Variants in ZNRF3 observed in about 807,000 individuals in gnomAD.
ZNRF3 encodes the protein zinc and ring finger 3.
Under a neutral mutation model 72.5 loss-of-function variants are expected in ZNRF3, and 23 were observed. The ratio of observed to expected loss-of-function variants is 0.32; its 90% confidence interval spans 0.23 to 0.45. The LOEUF (loss-of-function observed/expected upper bound fraction) is 0.45, where lower values mean the gene tolerates loss of function less well. Ranked by LOEUF, ZNRF3 falls within the 20% of genes least tolerant of loss-of-function variation. ZNRF3 has a pLI of 1.00. For synonymous variants in ZNRF3, 610 were observed against 545.3 expected (o/e 1.12, Z -1.65); for missense variants, 1,169 against 1,272.1 (o/e 0.92, Z 1.23).
At chr22:28,910,348 C>T (rs1430007582) in intron 1 of ZNRF3, among the ~76,000 whole-genome samples, 1 of 152,162 alleles carries the variant, frequency 6.6e-6, no homozygotes, top group Admixed American at 6.5e-5. Flanking sequence ...GCCTCTCCAT[C>T]AGACTTTGGA....
intron 2 of ZNRF3, among the ~76,000 whole-genome samples, chr22:29,003,630 A>G (rs964206327): frequency 6.6e-6 from 1 of 152,096 alleles, no homozygotes; most frequent in Non-Finnish European, 1.5e-5. Flanking sequence ...GCTTGAGCTC[A>G]AGAGTTGGAG....
rs1371579139 is a variant in ZNRF3 at position 29,049,651 on chromosome 22, C to T, written c.1470C>T (p.Leu490=). The part of the protein sequence containing the change: ...PEQEGQSPPS[L]APRGPARAFP... ...AGGAGGGGCAGTCCCCACCTAGCCT[C>T]GCACCCCGGGGCCCGGCCCGTGCCT... Residue 490 remains leucine (L), a synonymous_variant, in exon 8 of 9, where the codon CTC becomes CTT. Transcript: ENST00000544604. This position sits in a 1 kb window ranked among gnomAD's most constrained non-coding sequence, Gnocchi z 5.2. 5 of 1,610,116 alleles carry T rather than the reference C, an allele frequency of 3.1e-6. No individual in the cohort carries two copies. The highest frequency in any genetic ancestry group is 3.4e-6 in the Non-Finnish European group (4 of 1,179,522).
intron 5 of ZNRF3, among the ~76,000 whole-genome samples, chr22:29,045,498 T>A (rs2037051460): frequency 6.6e-6 from 1 of 152,162 alleles, no homozygotes; most frequent in East Asian, 1.9e-4. Flanking sequence ...TTTATTTTTT[T>A]ATTTCTTTGA....
chr22:29,000,769 G>T (rs567885068), intron 2 of ZNRF3, among the ~76,000 whole-genome samples: 1 of 152,254 alleles, frequency 6.6e-6, no homozygotes, highest in South Asian at 2.1e-4. Flanking sequence ...ACCACAGAAG[G>T]CAAAGGGGGA....
At chr22:28,990,367 G>A (rs561776893) in intron 2 of ZNRF3, among the ~76,000 whole-genome samples, 184 of 152,276 alleles carry the variant, frequency 1.2e-3, no homozygotes, top group Non-Finnish European at 2.0e-3. Flanking sequence ...GAATAAAATT[G>A]ACATTTCTTA....
At chr22:28,970,807 A>G (rs1030530419) in intron 1 of ZNRF3, among the ~76,000 whole-genome samples, 1 of 152,222 alleles carries the variant, frequency 6.6e-6, no homozygotes, top group South Asian at 2.1e-4. Context: ...TCCAGAAAAT[A>G]TAAACCAACT....
Position 28,988,388 on chromosome 22 carries a change from C to T in ZNRF3, c.426+1187C>T, listed in dbSNP as rs558548683. On this transcript the variant is annotated intron_variant, in intron 2 of 8. Coordinates refer to ENST00000544604, the MANE Select transcript of ZNRF3 (RefSeq NM_001206998.2). ...AAGACTTTCCAGACTTAAAGTAGCC[C>T]CTGCCAGTGTCTCCTGAAAGACCTT... 9.9e-5 allele frequency among the ~76,000 whole-genome samples: 15 copies of T among 152,210 alleles called. No individual in the cohort carries two copies. The South Asian group carries it at 3.1e-3, about 32-fold the overall frequency.
intron 1 of ZNRF3, among the ~76,000 whole-genome samples, chr22:28,953,094 A>C (rs893865361): frequency 6.6e-6 from 1 of 152,232 alleles, no homozygotes; most frequent in Non-Finnish European, 1.5e-5. Context: ...AGCATGTTGC[A>C]TAACTGCAGG....
intron 2 of ZNRF3, chr22:28,992,818 T>C (rs1435034130): frequency 1.3e-5 from 2 of 152,140 alleles, no homozygotes; most frequent in Non-Finnish European, 2.9e-5. Context: ...GTGTACTACA[T>C]AGAATCAAAT....
chr22:28,954,131 G>A (rs779843262), intron 1 of ZNRF3, among the ~76,000 whole-genome samples: 13 of 152,082 alleles, frequency 8.5e-5, no homozygotes, highest in African/African-American at 2.4e-4. Flanking sequence ...CCATATCTGC[G>A]TGCCAGCTGT....
rs138261631 is a variant in ZNRF3 at position 28,913,572 on chromosome 22, C to T, written c.300+29506C>T. ...CACCACCTAGAATGAATGGCCTGAA[C>T]ACCTTTGAACTGTGGTAGGACTATT... On this transcript the variant is annotated intron_variant, in intron 1 of 8. Transcript: ENST00000544604. 5.3e-3 allele frequency among the ~76,000 whole-genome samples: 804 copies of T among 152,274 alleles called. 9 individuals carry two copies. The highest frequency in any genetic ancestry group is 0.018 in the African/African-American group (766 of 41,544).
intron 1 of ZNRF3, among the ~76,000 whole-genome samples, chr22:28,971,513 C>T (rs559555208): frequency 1.2e-4 from 19 of 152,170 alleles, no homozygotes; most frequent in South Asian, 2.1e-4. Context: ...ATGCCTCGTA[C>T]GCCCTAATTG....
intron 2 of ZNRF3, among the ~76,000 whole-genome samples, chr22:29,033,494 A>G (rs903646664): frequency 2.0e-5 from 3 of 152,090 alleles, no homozygotes; most frequent in Non-Finnish European, 2.9e-5. Context: ...GGTCAGATCC[A>G]TGATTGAGAA....
At chr22:29,027,648 T>C (rs555257688) in intron 2 of ZNRF3, among the ~76,000 whole-genome samples, 1 of 152,348 alleles carries the variant, frequency 6.6e-6, no homozygotes, top group Non-Finnish European at 1.5e-5. Context: ...TCATCATTTC[T>C]TGGCCTAAAC....
chr22:29,031,724 C>A, intron 2 of ZNRF3: 1 of 719,480 alleles, frequency 1.4e-6, no homozygotes, highest in Non-Finnish European at 1.7e-6. Flanking sequence ...TAGGACCCGC[C>A]AAGAGGGACC....
rs77077638 is a variant in ZNRF3, at chr22:29,000,856, A to G, written c.426+13655A>G. 3.3e-5 allele frequency among the ~76,000 whole-genome samples: 5 copies of G among 152,026 alleles called. No individual in the cohort carries two copies. The East Asian group carries it at 9.6e-4, about 29-fold the overall frequency. On this transcript the variant is annotated intron_variant, in intron 2 of 8. Transcript: ENST00000544604. The stretch of plus-strand genomic sequence containing the variant: ...TAGGCTGGGGTGCAGTGATGCAACC[A>G]TGGCTTACTGCAGCTTCAACCTCCC...
intron 1 of ZNRF3, among the ~76,000 whole-genome samples, chr22:28,979,642 TC>T (rs2035731321): frequency 6.6e-6 from 1 of 152,198 alleles, no homozygotes; most frequent in Admixed American, 6.5e-5. Context: ...TTTGCCCTGG[TC>T]CCTCACTTAG....
chr22:28,888,149 A>G (rs1052711877), intron 1 of ZNRF3, among the ~76,000 whole-genome samples: 5 of 152,130 alleles, frequency 3.3e-5, no homozygotes, highest in African/African-American at 1.2e-4. Context: ...TCCTTTAGCT[A>G]TTAGGGGTGG....
intron 1 of ZNRF3, among the ~76,000 whole-genome samples, chr22:28,949,906 G>T (rs1337570286): frequency 2.6e-5 from 4 of 152,068 alleles, no homozygotes; most frequent in African/African-American, 9.7e-5. Context: ...CAACCACTGT[G>T]CTTTGGTATG....
Sources: gnomAD v4.1 joint callset for allele counts (sites outside exome capture counted in the v4.1 genomes callset) on GRCh38, gnomAD v4.1.1 for gene constraint, Gnocchi (gnomAD v3.1) non-coding constraint, MANE v1.5 for transcripts, NCBI Gene and HGNC (gene_info 2026-07-23, HGNC 2026-07-21) for gene names.